Variants in PTPRD observed in about 807,000 individuals in gnomAD.
PTPRD encodes the protein receptor-type tyrosine-protein phosphatase delta.
In PTPRD, 34 loss-of-function variants were observed where a neutral mutation model predicts 214.5. That is an observed-to-expected ratio of 0.16 (90% CI 0.12 to 0.21). PTPRD has a LOEUF of 0.21. PTPRD is among the 10% of genes least tolerant of loss of function. The pLI, the probability that PTPRD is intolerant of heterozygous loss-of-function variation, is 1.00. For synonymous variants in PTPRD, 1,128 were observed against 845.7 expected, an observed-to-expected ratio of 1.33 and a Z score of -5.79; for missense variants, 2,545 against 2,398.7, an observed-to-expected ratio of 1.06 and a Z score of -1.27.
At chr9:8,665,174 ATTTT>A (rs1217685770) in intron 12 of PTPRD, among the ~76,000 whole-genome samples, 2 of 152,164 alleles carry the variant, frequency 1.3e-5, no homozygotes, top group Non-Finnish European at 2.9e-5. Context: ...CAAAAGTAAG[ATTTT>A]GTTTATTTGT....
intron 12 of PTPRD, among the ~76,000 whole-genome samples, chr9:8,668,864 T>C (rs563147961): frequency 2.6e-5 from 4 of 152,252 alleles, no homozygotes; most frequent in Non-Finnish European, 4.4e-5. Flanking sequence ...TAGCTTGCAG[T>C]GAGCAAGCCA....
intron 9 of PTPRD, among the ~76,000 whole-genome samples, chr9:9,352,624 G>C (rs1216158940): frequency 2.0e-5 from 3 of 151,780 alleles, no homozygotes; most frequent in African/African-American, 7.3e-5. Context: ...AACACACTCA[G>C]AGAAGAAAAA....
chr9:9,081,300 C>A (rs974164138), intron 10 of PTPRD, among the ~76,000 whole-genome samples: 1 of 151,940 alleles, frequency 6.6e-6, no homozygotes, highest in African/African-American at 2.4e-5. Context: ...TGTAGTTGTT[C>A]GATTTTGAGT....
intron 8 of PTPRD, among the ~76,000 whole-genome samples, chr9:9,562,722 G>C (rs1470003606): frequency 1.3e-5 from 2 of 151,960 alleles, no homozygotes; most frequent in Non-Finnish European, 2.9e-5. Flanking sequence ...CTGTTGTTTT[G>C]GATAATTCAA....
At chr9:8,356,410 G>A (rs1332970573) in intron 39 of PTPRD, among the ~76,000 whole-genome samples, 1 of 152,158 alleles carries the variant, frequency 6.6e-6, no homozygotes, top group Admixed American at 6.5e-5. Context: ...GAAATAGAAA[G>A]TTTTCATGCT....
intron 2 of PTPRD, among the ~76,000 whole-genome samples, chr9:10,389,285 A>T (rs16925941): frequency 6.6e-6 from 1 of 151,864 alleles, no homozygotes; most frequent in African/African-American, 2.4e-5. Context: ...TTATTGACAC[A>T]ATGAAATGCT....
At chr9:10,140,739 A>C (rs2098978759) in intron 3 of PTPRD, among the ~76,000 whole-genome samples, 2 of 152,264 alleles carry the variant, frequency 1.3e-5, no homozygotes, top group South Asian at 2.1e-4. Flanking sequence ...ATCCTCCCTA[A>C]CTCATTTTAT....
At chr9:8,672,230 G>A (rs865856740) in intron 12 of PTPRD, among the ~76,000 whole-genome samples, 4 of 152,078 alleles carry the variant, frequency 2.6e-5, no homozygotes, top group Non-Finnish European at 4.4e-5. Flanking sequence ...TCGCTGAGAC[G>A]TGAAAATAAT....
intron 11 of PTPRD, among the ~76,000 whole-genome samples, chr9:8,811,388 T>C (rs574236630): frequency 3.8e-4 from 58 of 152,264 alleles, no homozygotes; most frequent in Admixed American, 1.1e-3. Flanking sequence ...CTCCAGCACC[T>C]GGGTTAAGGT....
At chr9:8,683,775 G>A (rs983853602) in intron 12 of PTPRD, among the ~76,000 whole-genome samples, 2 of 152,154 alleles carry the variant, frequency 1.3e-5, no homozygotes, top group African/African-American at 2.4e-5. Flanking sequence ...AAGGAGACAC[G>A]GCTTCTGCCG....
intron 10 of PTPRD, among the ~76,000 whole-genome samples, chr9:9,081,897 T>C (rs1362127371): frequency 6.6e-6 from 1 of 151,380 alleles, no homozygotes; most frequent in Non-Finnish European, 1.5e-5. Context: ...ATGTGTGTCT[T>C]TGCACGTGAG....
chr9:9,540,439 C>T (rs2077348135), intron 8 of PTPRD, among the ~76,000 whole-genome samples: 1 of 151,664 alleles, frequency 6.6e-6, no homozygotes, highest in African/African-American at 2.4e-5. Context: ...CAGTGATGTA[C>T]AATGTACAGT....
intron 4 of PTPRD, among the ~76,000 whole-genome samples, chr9:9,983,068 A>G (rs1295283274): frequency 3.9e-5 from 6 of 152,300 alleles, no homozygotes; most frequent in Non-Finnish European, 5.9e-5. Flanking sequence ...ACCAAAAAAA[A>G]AAAAAAACTT....
In PTPRD at chr9:10,060,864, C is replaced by T. The variant is rs1399252030; in HGVS notation, c.-544-27074G>A. On this transcript the variant is annotated intron_variant, in intron 3 of 45. Transcript: ENST00000381196. ...CCTTCCTTTCCTTTCTTTCTTCCTT[C>T]CTTCTTTCCTTCCTTCCTTCCTTCC... 1.0e-3 allele frequency among the ~76,000 whole-genome samples: 104 copies of T among 101,180 alleles called. 7 individuals are homozygous for T. In the African/African-American group the frequency reaches 0.011, roughly 11 times the overall value. The allele number at this position is 101,180 out of a possible 152,430, so 66.4% of individuals were successfully genotyped here.
At chr9:9,734,796 C>G (rs775768384) in intron 6 of PTPRD, among the ~76,000 whole-genome samples, 17 of 151,920 alleles carry the variant, frequency 1.1e-4, no homozygotes, top group Non-Finnish European at 2.4e-4. Flanking sequence ...AGGAAATGTT[C>G]TAGCTCTAGA....
chr9:9,415,180 G>T (rs1173208570), intron 8 of PTPRD, among the ~76,000 whole-genome samples: 4 of 152,144 alleles, frequency 2.6e-5, no homozygotes, highest in African/African-American at 9.7e-5. Context: ...ATGAGTCACA[G>T]AGTTCCTTCA....
intron 3 of PTPRD, among the ~76,000 whole-genome samples, chr9:10,318,451 G>T (rs1008005842): frequency 4.6e-5 from 7 of 151,970 alleles, no homozygotes; most frequent in African/African-American, 1.7e-4. Flanking sequence ...AGGGCCTCAG[G>T]TTCCCGTCAG....
chr9:8,827,680 A>G (rs7863174), intron 11 of PTPRD, among the ~76,000 whole-genome samples: 2,630 of 152,274 alleles, frequency 0.017, 63 homozygotes, highest in African/African-American at 0.061. Flanking sequence ...TAAAGTAATC[A>G]GCTCATCATT....
At chr9:10,086,941 T>C (rs1312400601) in intron 3 of PTPRD, among the ~76,000 whole-genome samples, 1 of 151,786 alleles carries the variant, frequency 6.6e-6, no homozygotes, top group Admixed American at 6.6e-5. Flanking sequence ...TCTCCACTTT[T>C]AGGAAATATT....
Sources: allele counts gnomAD v4.1 joint callset (sites outside exome capture counted in the v4.1 genomes callset), GRCh38; gene constraint gnomAD v4.1.1; transcripts MANE v1.5; gene names NCBI Gene and HGNC (gene_info 2026-07-23, HGNC 2026-07-21).